The following DOCK11 variants were observed in gnomAD, a reference collection of about 807,000 sequenced individuals.
DOCK11 encodes dedicator of cytokinesis 11, also known as dedicator of cytokinesis protein 11.
Under a neutral mutation model 169.1 loss-of-function variants are expected in DOCK11, and 70 were observed. That is an observed-to-expected ratio of 0.41 (90% confidence interval 0.34 to 0.51). The LOEUF (loss-of-function observed/expected upper bound fraction) is 0.51, where lower values mean the gene tolerates loss of function less well. DOCK11 is among the 20% of genes least tolerant of loss of function. The pLI is 0.10. For missense variants in DOCK11, 1,166 were observed against 1,538.8 expected, an observed-to-expected ratio of 0.76 and a Z score of 4.05; for synonymous variants, 529 against 541.3, an observed-to-expected ratio of 0.98 and a Z score of 0.32.
intron 44 of DOCK11, among the ~76,000 whole-genome samples, chrX:118,657,278 A>G (rs1347093571): frequency 1.8e-5 from 2 of 112,026 alleles, no homozygotes; most frequent in East Asian, 5.6e-4. Flanking sequence ...CTTAGAATTT[A>G]TTCTTCATAG....
At chrX:118,621,305 G>A (rs2147478816) in intron 31 of DOCK11, among the ~76,000 whole-genome samples, 1 of 111,923 alleles carries the variant, frequency 8.9e-6, no homozygotes, top group East Asian at 2.8e-4. Context: ...TCCTTTGTCT[G>A]TTTTGTGCAG....
chrX:118,545,938 GC>G, intron 5 of DOCK11, 82 bp from the exon 6 acceptor site: 1 of 624,708 alleles, frequency 1.6e-6, no homozygotes, highest in Non-Finnish European at 2.6e-6. Context: ...AATGGGCAGG[GC>G]CTCATTCTGT....
At chrX:118,529,118 C>T (rs1018963228) in intron 1 of DOCK11, among the ~76,000 whole-genome samples, 1 of 109,369 alleles carries the variant, frequency 9.1e-6, no homozygotes, top group South Asian at 4.0e-4. Context: ...GTAGCTGGGA[C>T]TACAGGCGCG....
intron 6 of DOCK11, among the ~76,000 whole-genome samples, chrX:118,548,465 C>T (rs771157582): frequency 2.3e-4 from 26 of 111,568 alleles, no homozygotes; most frequent in Non-Finnish European, 4.5e-4. Flanking sequence ...CACAATTATG[C>T]GGGTGGGCCC....
intron 39 of DOCK11, 28 bp downstream of exon 39, chrX:118,641,333 G>A (rs2015529239): frequency 1.9e-6 from 2 of 1,041,438 alleles, no homozygotes; most frequent in Non-Finnish European, 2.7e-6. Flanking sequence ...TAATTCAGTT[G>A]GTACCATTGC....
At chrX:118,641,919 AT>A (rs761181240) in intron 39 of DOCK11, among the ~76,000 whole-genome samples, 19 of 108,892 alleles carry the variant, frequency 1.7e-4, no homozygotes, top group Non-Finnish European at 2.1e-4. Flanking sequence ...AGTTATACAG[AT>A]TTTTTTTTTC....
intron 35 of DOCK11, among the ~76,000 whole-genome samples, chrX:118,634,818 T>C (rs1444356353): frequency 8.9e-6 from 1 of 111,929 alleles, no homozygotes. Flanking sequence ...AACCTCCGCC[T>C]CCCGGGTTCA....
At chrX:118,593,978 T>A (rs1326269755) in intron 20 of DOCK11, among the ~76,000 whole-genome samples, 1 of 112,100 alleles carries the variant, frequency 8.9e-6, no homozygotes, top group Non-Finnish European at 1.9e-5. Context: ...GTATTTTTGT[T>A]ATTTCTTTTA....
intron 20 of DOCK11, 113 bp from the exon 21 acceptor site, chrX:118,597,318 C>A: frequency 9.9e-7 from 1 of 1,013,580 alleles, no homozygotes; most frequent in Non-Finnish European, 1.4e-6. Context: ...TGAACTCCCA[C>A]ATACAGATCC....
intron 1 of DOCK11, among the ~76,000 whole-genome samples, chrX:118,531,560 TATA>T (rs2011586255): frequency 9.4e-6 from 1 of 106,801 alleles, no homozygotes; most frequent in African/African-American, 3.4e-5. Context: ...TATATATATA[TATA>T]TATTGTTTTT....
intron 28 of DOCK11, 33 bp from the exon 29 acceptor site, chrX:118,614,659 A>T: frequency 1.0e-6 from 1 of 998,112 alleles, no homozygotes; most frequent in Non-Finnish European, 1.4e-6. Context: ...AGAATTATGT[A>T]ATTAACCCTT....
chrX:118,552,717 C>T (rs2012541488), intron 6 of DOCK11, among the ~76,000 whole-genome samples: 1 of 112,313 alleles, frequency 8.9e-6, no homozygotes, highest in Admixed American at 9.4e-5. Context: ...GCAGTTCTTG[C>T]AGAAGCTCTG....
chrX:118,596,755 T>C (rs1281244938), intron 20 of DOCK11, among the ~76,000 whole-genome samples: 2 of 111,596 alleles, frequency 1.8e-5, no homozygotes, highest in Non-Finnish European at 3.8e-5. Context: ...AATGTAGAGA[T>C]TGGGGAAAAT....
At chrX:118,498,428 C>T (rs1054851399) in intron 1 of DOCK11, among the ~76,000 whole-genome samples, 14 of 112,207 alleles carry the variant, frequency 1.2e-4, no homozygotes, top group African/African-American at 4.5e-4. Context: ...GTTTAGTCAA[C>T]GAAAAAATAA....
intron 1 of DOCK11, among the ~76,000 whole-genome samples, chrX:118,527,441 A>G (rs2011402979): frequency 8.9e-6 from 1 of 112,137 alleles, no homozygotes. Context: ...TTGGAAATCA[A>G]AGAGGTTTTT....
chrX:118,645,885 TAAAAA>T (rs1255554011), intron 40 of DOCK11, among the ~76,000 whole-genome samples: 1 of 74,790 alleles, frequency 1.3e-5, no homozygotes, highest in Non-Finnish European at 2.5e-5. Flanking sequence ...TGTCTCTAGT[TAAAAA>T]AAAAAAAAAA....
intron 18 of DOCK11, among the ~76,000 whole-genome samples, chrX:118,589,126 A>T (rs189004181): frequency 8.0e-5 from 9 of 112,300 alleles, no homozygotes; most frequent in South Asian, 3.7e-4. Context: ...AGACAGATGG[A>T]TGCTGGGTCT....
chrX:118,566,737 C>T (rs958171038), intron 9 of DOCK11, 84 bp downstream of exon 9: 9 of 873,528 alleles, frequency 1.0e-5, no homozygotes. Context: ...TTCCATTTGG[C>T]AATGTCATTT....
chrX:118,532,877 C>T (rs373302723), intron 1 of DOCK11, among the ~76,000 whole-genome samples: 21 of 108,749 alleles, frequency 1.9e-4, no homozygotes, highest in African/African-American at 6.7e-4. Context: ...TGTTATACCA[C>T]AAGGTGGAGC....
Sources: gnomAD v4.1 joint callset for allele counts (sites outside exome capture counted in the v4.1 genomes callset) on GRCh38, gnomAD v4.1.1 for gene constraint, MANE v1.5 for transcripts, NCBI Gene and HGNC (gene_info 2026-07-23, HGNC 2026-07-21) for gene names.